The following STXBP5L variants were observed in gnomAD, a reference collection of about 807,000 sequenced individuals.
STXBP5L encodes syntaxin binding protein 5L, also known as syntaxin-binding protein 5-like.
STXBP5L carries 65 observed loss-of-function variants against 144.5 expected under a neutral mutation model. The ratio of observed to expected loss-of-function variants is 0.45; its 90% confidence interval spans 0.37 to 0.55. STXBP5L has a LOEUF of 0.55. STXBP5L is among the 20% of genes least tolerant of loss of function. The pLI is 0.00. For synonymous variants in STXBP5L, 505 were observed against 469.6 expected (o/e 1.08, Z -0.97); for missense variants, 1,298 against 1,405.5 (o/e 0.92, Z 1.22).
intron 18 of STXBP5L, among the ~76,000 whole-genome samples, chr3:121,271,021 T>C (rs2050719974): frequency 6.6e-6 from 1 of 152,198 alleles, no homozygotes; most frequent in South Asian, 2.1e-4. Flanking sequence ...GCTGTTTCCC[T>C]TCATAGATAA....
intron 3 of STXBP5L, among the ~76,000 whole-genome samples, chr3:120,971,379 C>A (rs932720066): frequency 3.3e-5 from 5 of 151,894 alleles, no homozygotes; most frequent in African/African-American, 7.3e-5. Context: ...CCGCACCCCC[C>A]CCAACTCCTT....
chr3:121,238,650 T>A (rs2049564999), intron 12 of STXBP5L, among the ~76,000 whole-genome samples: 1 of 152,202 alleles, frequency 6.6e-6, no homozygotes, highest in Non-Finnish European at 1.5e-5. Flanking sequence ...ATGAATTAAC[T>A]AAGTAAACTT....
intron 5 of STXBP5L, among the ~76,000 whole-genome samples, chr3:121,050,146 A>G (rs951418790): frequency 6.6e-6 from 1 of 152,120 alleles, no homozygotes; most frequent in African/African-American, 2.4e-5. Context: ...GTTCTGGTTG[A>G]AGAGCTAGTG....
intron 7 of STXBP5L, among the ~76,000 whole-genome samples, chr3:121,126,493 T>G (rs896426691): frequency 3.9e-5 from 6 of 152,152 alleles, no homozygotes; most frequent in African/African-American, 1.2e-4. Context: ...AACTCTTCCA[T>G]GCAGTGACAT....
intron 22 of STXBP5L, among the ~76,000 whole-genome samples, chr3:121,397,050 T>C (rs558617752): frequency 3.3e-5 from 5 of 152,322 alleles, no homozygotes; most frequent in South Asian, 4.1e-4. Flanking sequence ...AAGTATAGGG[T>C]GTCTGGAAAA....
At chr3:121,004,869 G>A (rs1307522836) in intron 3 of STXBP5L, among the ~76,000 whole-genome samples, 1 of 152,128 alleles carries the variant, frequency 6.6e-6, no homozygotes, top group African/African-American at 2.4e-5. Context: ...ATTTGCATAT[G>A]TTGAACCAGC....
chr3:120,997,691 C>T (rs184747876), intron 3 of STXBP5L, among the ~76,000 whole-genome samples: 4 of 152,146 alleles, frequency 2.6e-5, no homozygotes, highest in Admixed American at 6.6e-5. Flanking sequence ...TTGTCAGATG[C>T]ATAGCTTGCA....
chr3:121,367,686 C>T (rs944214632), intron 20 of STXBP5L, among the ~76,000 whole-genome samples: 5 of 143,028 alleles, frequency 3.5e-5, no homozygotes, highest in African/African-American at 1.3e-4. Context: ...TGGCTTCTAG[C>T]AGCCTTAACA....
intron 3 of STXBP5L, among the ~76,000 whole-genome samples, chr3:121,033,763 GT>G (rs1946552565): frequency 6.6e-6 from 1 of 151,486 alleles, no homozygotes; most frequent in African/African-American, 2.4e-5. Context: ...AAATTATAGT[GT>G]TTTATATAAA....
intron 22 of STXBP5L, among the ~76,000 whole-genome samples, chr3:121,400,945 A>C (rs2046857782): frequency 6.6e-6 from 1 of 152,188 alleles, no homozygotes; most frequent in African/African-American, 2.4e-5. Context: ...GCAAATATAA[A>C]AACACTAAAG....
intron 19 of STXBP5L, among the ~76,000 whole-genome samples, chr3:121,317,334 T>C (rs900912538): frequency 2.0e-5 from 3 of 152,228 alleles, no homozygotes; most frequent in African/African-American, 7.2e-5. Context: ...AGCTATGTTA[T>C]TGACTTACTT....
chr3:121,010,425 A>G (rs973216263), intron 3 of STXBP5L, among the ~76,000 whole-genome samples: 3 of 151,700 alleles, frequency 2.0e-5, no homozygotes, highest in South Asian at 2.1e-4. Context: ...GTCTTCTGCT[A>G]TTCCAGAATT....
chr3:120,975,207 C>G (rs1189738077), intron 3 of STXBP5L, among the ~76,000 whole-genome samples: 1 of 152,180 alleles, frequency 6.6e-6, no homozygotes, highest in Non-Finnish European at 1.5e-5. Flanking sequence ...GTTGTATCCT[C>G]TTTTATTTCC....
At chr3:121,399,133 G>C (rs948585921) in intron 22 of STXBP5L, among the ~76,000 whole-genome samples, 2 of 152,068 alleles carry the variant, frequency 1.3e-5, no homozygotes, top group African/African-American at 2.4e-5. Flanking sequence ...AACCTCTTCT[G>C]TACTTCATTA....
At chr3:121,322,735 T>G (rs1234636044) in intron 20 of STXBP5L, among the ~76,000 whole-genome samples, 1 of 152,096 alleles carries the variant, frequency 6.6e-6, no homozygotes, top group Non-Finnish European at 1.5e-5. Context: ...ATTGCTAGGC[T>G]GAATAGTAGT....
At chr3:120,918,819 G>T (rs1709226083) in intron 2 of STXBP5L, among the ~76,000 whole-genome samples, 1 of 151,974 alleles carries the variant, frequency 6.6e-6, no homozygotes, top group Admixed American at 6.6e-5. Flanking sequence ...CAGGTTTTTT[G>T]ATAAGATCAG....
intron 5 of STXBP5L, among the ~76,000 whole-genome samples, chr3:121,050,336 A>G (rs139502426): frequency 1.8e-4 from 27 of 152,212 alleles, no homozygotes; most frequent in Non-Finnish European, 3.8e-4. Flanking sequence ...TGGTTATTTT[A>G]GTTTAAAATA....
intron 3 of STXBP5L, among the ~76,000 whole-genome samples, chr3:120,959,603 C>T (rs1281127710): frequency 6.6e-6 from 1 of 152,166 alleles, no homozygotes; most frequent in African/African-American, 2.4e-5. Context: ...TGCCACACAT[C>T]TACAACCATC....
chr3:121,378,857 T>C lies in STXBP5L; in HGVS notation c.2318T>C (p.Met773Thr). The change falls in exon 21 of 27, where the codon ATG becomes ACG. Residue 773 changes from methionine (M) to threonine (T), a missense_variant. Transcript: ENST00000471454. ...PFRKAQSAAC[M>T]EISLPVTTEE... The stretch of plus-strand genomic sequence containing the variant: ...CGAAAGGCCCAGTCAGCAGCCTGCA[T>C]GGAGATTTCTTTACCAGTTACAACA... 1.2e-6 allele frequency: 2 copies of C among 1,613,616 alleles called. No homozygotes were observed. Among genetic ancestry groups the C allele is most frequent in the Non-Finnish European group, 1.7e-6 (2 of 1,179,756 alleles).
Sources: allele counts gnomAD v4.1 joint callset (sites outside exome capture counted in the v4.1 genomes callset), GRCh38; gene constraint gnomAD v4.1.1; transcripts MANE v1.5; gene names NCBI Gene and HGNC (gene_info 2026-07-23, HGNC 2026-07-21).